ACSM1: variants seen among roughly 807,000 people sequenced by gnomAD.
ACSM1 encodes acyl-CoA synthetase medium chain family member 1.
In ACSM1, 79 loss-of-function variants were observed where a neutral mutation model predicts 75.8. The observed-to-expected ratio is 1.04, with a 90% CI of 0.87 to 1.26. ACSM1 has a LOEUF of 1.26. ACSM1 is among the 50% of genes most tolerant of loss of function. ACSM1 has a pLI of 0.00. For synonymous variants in ACSM1, 279 were observed against 265.8 expected (o/e 1.05, Z -0.48); for missense variants, 676 against 720.1 (o/e 0.94, Z 0.70).
At chr16:20,662,017 T>C (rs2019327216) in intron 6 of ACSM1, 144 bp from the exon 7 acceptor site, 1 of 498,658 alleles carries the variant, frequency 2.0e-6, no homozygotes, top group South Asian at 3.2e-5. Flanking sequence ...ATACTGAGCA[T>C]GGATTTCATA....
chr16:20,627,176 C>G lies in ACSM1; in HGVS notation c.1427+13G>C. 3 of 1,521,614 alleles carry G rather than the reference C, an allele frequency of 2.0e-6. No individual in the cohort carries two copies. Among genetic ancestry groups the G allele is most frequent in the Non-Finnish European group, 2.6e-6 (3 of 1,143,812 alleles). The allele number at this position is 1,521,614 out of a possible 1,614,324, so 94.3% of individuals were successfully genotyped here. A position where few individuals can be genotyped will look rare whatever the true frequency, so the allele number is the denominator to read the frequency against. On this transcript the variant is annotated intron_variant, in intron 11 of 13. Transcript: ENST00000520010. ...ACGGCAACAACAGCCAGCCCAGCAT[C>G]AGCCACACCTACCCAGAGGCATTAA...
chr16:20,645,136 C>G (rs563728913), intron 7 of ACSM1, among the ~76,000 whole-genome samples: 1 of 152,268 alleles, frequency 6.6e-6, no homozygotes, highest in African/African-American at 2.4e-5. Context: ...TGGTAAAGGA[C>G]CACTAGAATC....
intron 4 of ACSM1, among the ~76,000 whole-genome samples, chr16:20,673,630 C>T (rs528484082): frequency 3.9e-5 from 6 of 152,084 alleles, no homozygotes; most frequent in African/African-American, 4.8e-5. Context: ...TCACTTTGCC[C>T]CCAGGTGTCT....
intron 7 of ACSM1, among the ~76,000 whole-genome samples, chr16:20,652,368 T>C (rs1463629644): frequency 6.6e-6 from 1 of 151,766 alleles, no homozygotes; most frequent in African/African-American, 2.4e-5. Flanking sequence ...GGGTTATATA[T>C]GAAACAAGGG....
intron 5 of ACSM1, 55 bp from the exon 6 acceptor site, chr16:20,670,041 G>A: frequency 1.9e-6 from 3 of 1,577,932 alleles, no homozygotes; most frequent in African/African-American, 1.3e-5. Context: ...TGTGATGAAG[G>A]GCTGTGCACT....
At chr16:20,639,035 G>A (rs773389729) in intron 8 of ACSM1, among the ~76,000 whole-genome samples, 60 of 152,184 alleles carry the variant, frequency 3.9e-4, no homozygotes, top group Non-Finnish European at 7.2e-4. Context: ...AATGTCAGCT[G>A]AGTATGTGAG....
chr16:20,672,471 A>AAAAAAAAAAATATAT (rs1555473775), intron 4 of ACSM1, among the ~76,000 whole-genome samples: 15 of 64,566 alleles, frequency 2.3e-4, no homozygotes, highest in Admixed American at 5.3e-4. Flanking sequence ...AAAAAAAAAA[A>AAAAAAAAAAATATAT]ATATATATAT....
chr16:20,677,334 G>A lies in ACSM1; in HGVS notation c.611+4922C>T, dbSNP rs142842929. On this transcript the variant is annotated intron_variant, in intron 4 of 13. Coordinates refer to ENST00000520010, the MANE Select transcript of ACSM1 (RefSeq NM_001318890.3). ...CATAAGTGAAAGGGAGGCCATGAAG[G>A]TTCTAACTCAAGCCATAAGGTCATG... Among the ~76,000 whole-genome samples the A allele has an allele frequency of 7.7e-3, 1,170 of 152,190 alleles. 21 individuals are homozygous for A. Among genetic ancestry groups the A allele is most frequent in the African/African-American group, 0.028 (1,142 of 41,520 alleles).
chr16:20,682,767 A>G (rs2079473576), intron 3 of ACSM1, among the ~76,000 whole-genome samples: 1 of 152,214 alleles, frequency 6.6e-6, no homozygotes, highest in Admixed American at 6.5e-5. Context: ...CTTTACACAC[A>G]TTTACACAGG....
intron 7 of ACSM1, among the ~76,000 whole-genome samples, chr16:20,658,265 AC>A (rs1324149213): frequency 6.6e-6 from 1 of 152,066 alleles, no homozygotes; most frequent in Non-Finnish European, 1.5e-5. Flanking sequence ...CCTCTCTAGC[AC>A]CTGTTGTTTC....
At chr16:20,634,739 T>G (rs1014777257) in intron 10 of ACSM1, among the ~76,000 whole-genome samples, 1 of 152,174 alleles carries the variant, frequency 6.6e-6, no homozygotes, top group Non-Finnish European at 1.5e-5. Context: ...CTGTTTGGGA[T>G]GGTAAACATT....
chr16:20,675,349 T>C (rs1179001182), intron 4 of ACSM1, among the ~76,000 whole-genome samples: 2 of 152,130 alleles, frequency 1.3e-5, no homozygotes, highest in Non-Finnish European at 2.9e-5. Flanking sequence ...GCAGGCTGTG[T>C]GCTCCCAGGC....
At chr16:20,653,302 G>A (rs977528412) in intron 7 of ACSM1, among the ~76,000 whole-genome samples, 4 of 152,242 alleles carry the variant, frequency 2.6e-5, no homozygotes, top group African/African-American at 9.6e-5. Context: ...ATATCATACT[G>A]AATGGGCAAA....
intron 10 of ACSM1, among the ~76,000 whole-genome samples, chr16:20,635,584 CTTTCTTTCTTTCTTTCTT>C (rs1567251607): frequency 1.1e-3 from 7 of 6,376 alleles, no homozygotes; most frequent in African/African-American, 3.8e-3. Context: ...TTTTCTTTTT[CTTTCTTTCTTTCTTTCTT>C]TCTTTCTTTC....
rs966181417 is a variant in ACSM1, at chr16:20,661,668, G to A, written c.992+126C>T. ...AACTAATTAACTTTTGATCATCATC[G>A]CCACCAACACTTAACACACAAACAC... On this transcript the variant is annotated intron_variant, in intron 7 of 13. Transcript: ENST00000520010. 23 of 580,902 alleles carry A rather than the reference G, an allele frequency of 4.0e-5. 1 individual carries two copies. Among genetic ancestry groups the A allele is most frequent in the Admixed American group, 3.2e-4 (10 of 31,258 alleles). The allele number at this position is 580,902 out of a possible 1,614,324, so 36.0% of individuals were successfully genotyped here. A position where few individuals can be genotyped will look rare whatever the true frequency, so the allele number is the denominator to read the frequency against.
rs199570072 is a variant in ACSM1, at chr16:20,682,410, G to A, written c.457C>T (p.Arg153Ter). ...ILLKAKDILY[R>*]LQLSKAKGIV... ...CCCTTGGCTTTAGACAACTGTAGTCGATAGAGAATGTCTTTGGCCTTCAAC... is the reference window on the plus strand; with the variant it reads ...CCCTTGGCTTTAGACAACTGTAGTCAATAGAGAATGTCTTTGGCCTTCAAC... The change falls in exon 4 of 14, where the codon CGA (arginine) becomes TGA (stop). Residue 153 changes from arginine to a stop codon, truncating the protein, a stop_gained. Transcript: ENST00000520010. LOFTEE classifies it high-confidence loss of function. The A allele has an allele frequency of 6.2e-6, 10 of 1,613,954 alleles. No homozygotes were observed. Among genetic ancestry groups the A allele is most frequent in the East Asian group, 4.5e-5 (2 of 44,870 alleles).
At position 20,685,293 on chromosome 16, in the gene ACSM1, G is replaced by C; in HGVS notation, c.303C>G (p.Val101=). 1 of 1,614,244 alleles carries C rather than the reference G, an allele frequency of 6.2e-7. No individual in the cohort carries two copies. The highest frequency in any genetic ancestry group is 8.5e-7 in the Non-Finnish European group (1 of 1,180,042). ...MGDLTRRVAN[V]FTQTCGLQQG... Reference sequence around the variant, plus strand: ...GTTGTAGGCCACAGGTCTGTGTGAAGACGTTGGCTACACGGCGGGTTAGGT... The same window carrying C: ...GTTGTAGGCCACAGGTCTGTGTGAACACGTTGGCTACACGGCGGGTTAGGT... Residue 101 remains valine, a synonymous_variant, in exon 3 of 14, where the codon GTC becomes GTG. Transcript: ENST00000520010.
intron 1 of ACSM1, among the ~76,000 whole-genome samples, chr16:20,697,343 C>A (rs750610138): frequency 7.9e-5 from 12 of 152,144 alleles, no homozygotes; most frequent in Non-Finnish European, 1.6e-4. Flanking sequence ...CTGTCTCCCA[C>A]GGCTCACCAC....
intron 4 of ACSM1, chr16:20,681,846 T>A (rs146187056): frequency 1.3e-5 from 2 of 155,928 alleles, no homozygotes; most frequent in African/African-American, 4.8e-5. Flanking sequence ...TGCCTGTTTT[T>A]CCGTCTGTAG....
Sources: allele counts gnomAD v4.1 joint callset (sites outside exome capture counted in the v4.1 genomes callset), GRCh38; gene constraint gnomAD v4.1.1; transcripts MANE v1.5; gene names NCBI Gene and HGNC (gene_info 2026-07-23, HGNC 2026-07-21).